The following ADAM23 variants were observed in gnomAD, a reference collection of about 807,000 sequenced individuals.
ADAM23 encodes the protein ADAM metallopeptidase domain 23.
Under a neutral mutation model 120.1 loss-of-function variants are expected in ADAM23, and 33 were observed. The ratio of observed to expected loss-of-function variants is 0.27; its 90% CI spans 0.21 to 0.37. The LOEUF (loss-of-function observed/expected upper bound fraction) is 0.37. ADAM23 is among the 10% of genes least tolerant of loss of function. ADAM23 has a pLI of 1.00. For missense variants in ADAM23, 862 were observed against 1,058.2 expected, an observed-to-expected ratio of 0.81 and a Z score of 2.57; for synonymous variants, 367 against 375.2, an observed-to-expected ratio of 0.98 and a Z score of 0.25.
intron 2 of ADAM23, among the ~76,000 whole-genome samples, chr2:206,472,207 G>T (rs1695673680): frequency 6.6e-6 from 1 of 152,138 alleles, no homozygotes; most frequent in Admixed American, 6.5e-5. Context: ...TGGCCATGAA[G>T]AATTTTAAAA....
chr2:206,461,317 C>G (rs942913118), intron 2 of ADAM23, among the ~76,000 whole-genome samples: 2 of 152,096 alleles, frequency 1.3e-5, no homozygotes, highest in Admixed American at 1.3e-4. Context: ...CTGCCTTGGC[C>G]TCCCGAAGTG....
Position 206,607,858 on chromosome 2 carries a change from C to T in ADAM23, c.2360-2052C>T, listed in dbSNP as rs577718243. On this transcript the variant is annotated intron_variant, in intron 24 of 25. Transcript: ENST00000264377. ...TTTAATTGATAGAGTAATGTTCATT[C>T]AGTCACTAAGAATTCCATGGACAGT... 14 of 339,008 alleles carry T rather than the reference C, an allele frequency of 4.1e-5. 1 individual carries two copies. Among genetic ancestry groups the T allele is most frequent in the South Asian group, 3.4e-4 (14 of 40,890 alleles). 21.0% of individuals were successfully genotyped at this position (339,008 alleles called of 1,614,324 possible).
At chr2:206,587,202 G>A in intron 18 of ADAM23, 123 bp from the exon 19 acceptor site, 1 of 622,966 alleles carries the variant, frequency 1.6e-6, no homozygotes. Context: ...TTAAGGAGTT[G>A]CATGTGTTTT....
At chr2:206,531,031 G>A (rs1246818808) in intron 4 of ADAM23, 83 bp downstream of exon 4, 12 of 1,038,970 alleles carry the variant, frequency 1.2e-5, no homozygotes, top group Non-Finnish European at 1.5e-5. Context: ...TTGTTTTGAC[G>A]TCTGTCTCAG....
rs150302897 is a variant in ADAM23, at chr2:206,504,251, A to G, written c.509+22943A>G. Among the ~76,000 whole-genome samples, 626 of 152,206 alleles carry G rather than the reference A, an allele frequency of 4.1e-3. 3 individuals carry two copies. The highest frequency in any genetic ancestry group is 0.015 in the African/African-American group (610 of 41,526). ...ATGTAATTTTACTTTTTAATATGCA[A>G]AATTATTGGTTTGCCTGTTTAATCA... On this transcript the variant is annotated intron_variant, in intron 3 of 25. Coordinates refer to ENST00000264377, the MANE Select transcript of ADAM23 (RefSeq NM_003812.4).
intron 24 of ADAM23, among the ~76,000 whole-genome samples, chr2:206,599,554 C>T (rs4673358): frequency 0.85 from 129,189 of 152,176 alleles, 55,060 homozygotes; most frequent in African/African-American, 0.91. Flanking sequence ...TTTTAAAACT[C>T]TGTTGTAGAT....
chr2:206,569,936 G>A (rs1024787354), intron 15 of ADAM23, among the ~76,000 whole-genome samples: 3 of 152,170 alleles, frequency 2.0e-5, no homozygotes, highest in Non-Finnish European at 4.4e-5. Context: ...ATTTGGGTTG[G>A]AGTGTGCTGC....
intron 3 of ADAM23, among the ~76,000 whole-genome samples, chr2:206,501,632 A>G (rs1419599515): frequency 2.0e-5 from 3 of 149,210 alleles, no homozygotes; most frequent in Non-Finnish European, 4.4e-5. Flanking sequence ...ATAAGAAGCT[A>G]TTTATAGTTT....
chr2:206,595,979 C>G (rs952034926), intron 23 of ADAM23, 72 bp from the exon 24 acceptor site: 1 of 1,218,874 alleles, frequency 8.2e-7, no homozygotes, highest in Non-Finnish European at 1.2e-6. Flanking sequence ...GCCCCCGTGT[C>G]TCTTTTACAT....
intron 3 of ADAM23, among the ~76,000 whole-genome samples, chr2:206,495,908 C>T (rs1696235782): frequency 6.6e-6 from 1 of 152,132 alleles, no homozygotes. Flanking sequence ...CAAAGAAGGC[C>T]ATTATGTAAT....
chr2:206,519,161 A>G (rs1321866064), intron 3 of ADAM23, among the ~76,000 whole-genome samples: 1 of 152,144 alleles, frequency 6.6e-6, no homozygotes, highest in Non-Finnish European at 1.5e-5. Flanking sequence ...TAGTTCAGGC[A>G]TTCCCCTGTG....
At chr2:206,546,971 A>G (rs1294490814) in intron 6 of ADAM23, among the ~76,000 whole-genome samples, 2 of 152,138 alleles carry the variant, frequency 1.3e-5, no homozygotes, top group Admixed American at 6.6e-5. Context: ...TATGCTACCA[A>G]TTTCCTCTTG....
Position 206,596,070 on chromosome 2 carries a change from C to T in ADAM23, c.2267C>T (p.Thr756Ile). 6 of 1,613,888 alleles carry T rather than the reference C, an allele frequency of 3.7e-6. No homozygotes were observed. Among genetic ancestry groups the T allele is most frequent in the Non-Finnish European group, 5.1e-6 (6 of 1,179,876 alleles). Residue 756 changes from threonine (T) to isoleucine (I), a missense_variant, in exon 24 of 26, where the codon ACC becomes ATC. Thr to Ile is a moderately conservative substitution (Grantham distance 89). Transcript: ENST00000264377. ...TCACAGGTGTGTAGTAATGAAGCCA[C>T]CTGCATTTGTGATTTCACCTGGGCA... ...SGHGVCSNEA[T>I]CICDFTWAGT...
At chr2:206,540,364 G>C (rs762459430) in intron 4 of ADAM23, among the ~76,000 whole-genome samples, 7 of 151,994 alleles carry the variant, frequency 4.6e-5, no homozygotes, top group Non-Finnish European at 8.8e-5. Context: ...ATAGAGGGCT[G>C]ACTTTCCATA....
intron 3 of ADAM23, among the ~76,000 whole-genome samples, chr2:206,527,453 C>G (rs1272053818): frequency 6.6e-6 from 1 of 152,186 alleles, no homozygotes; most frequent in African/African-American, 2.4e-5. Flanking sequence ...TGTCCATCAT[C>G]AAAAATTACA....
At chr2:206,453,147 C>G (rs1026809426) in intron 2 of ADAM23, among the ~76,000 whole-genome samples, 1 of 152,202 alleles carries the variant, frequency 6.6e-6, no homozygotes. Context: ...CTCCTTTCAG[C>G]ACTTTTCCAG....
chr2:206,607,529 G>A (rs1698750887), intron 24 of ADAM23, among the ~76,000 whole-genome samples: 2 of 152,152 alleles, frequency 1.3e-5, no homozygotes, highest in South Asian at 4.1e-4. Flanking sequence ...CTTAGAGATA[G>A]GTAAAAATCA....
chr2:206,516,127 TC>T (rs1696724906), intron 3 of ADAM23, among the ~76,000 whole-genome samples: 1 of 151,884 alleles, frequency 6.6e-6, no homozygotes, highest in African/African-American at 2.4e-5. Flanking sequence ...ATTGCTTGTG[TC>T]TCAGAAGCTC....
chr2:206,556,333 A>T (rs1697641944), intron 9 of ADAM23, among the ~76,000 whole-genome samples: 1 of 152,160 alleles, frequency 6.6e-6, no homozygotes, highest in Admixed American at 6.5e-5. Flanking sequence ...AAATGAAGGG[A>T]ATCTGACAAA....
Sources: allele counts gnomAD v4.1 joint callset (sites outside exome capture counted in the v4.1 genomes callset), GRCh38; gene constraint gnomAD v4.1.1; transcripts MANE v1.5; gene names NCBI Gene and HGNC (gene_info 2026-07-23, HGNC 2026-07-21).